ACTR3C: variants seen among roughly 807,000 people sequenced by gnomAD.
ACTR3C encodes actin-related protein 3C.
Under a neutral mutation model 26.3 loss-of-function variants are expected in ACTR3C, and 18 were observed. The ratio of observed to expected loss-of-function variants is 0.68; its 90% CI spans 0.47 to 1.01. The LOEUF (loss-of-function observed/expected upper bound fraction) is 1.01. Ranked by LOEUF, ACTR3C falls within the 50% of genes least tolerant of loss-of-function variation. The pLI is 0.00. For missense variants in ACTR3C, 184 were observed against 250.7 expected, an observed-to-expected ratio of 0.73 and a Z score of 1.80; for synonymous variants, 55 against 94.5, an observed-to-expected ratio of 0.58 and a Z score of 2.42.
chr7:150,173,677 C>A, the ACTR3C span, among the ~76,000 whole-genome samples: 1 of 123,116 alleles, frequency 8.1e-6, no homozygotes, highest in Non-Finnish European at 1.6e-5. Flanking sequence ...TCTTTTCTAT[C>A]ACGTTGTCGG....
At chr7:150,176,356 G>T in the ACTR3C span, among the ~76,000 whole-genome samples, 8 of 150,678 alleles carry the variant, frequency 5.3e-5, 2 homozygotes, top group African/African-American at 1.7e-4. Flanking sequence ...AGACACCTTT[G>T]TTATGAAAGC....
chr7:150,161,425 T>G, the ACTR3C span, among the ~76,000 whole-genome samples: 1 of 151,626 alleles, frequency 6.6e-6, no homozygotes, highest in East Asian at 1.9e-4. Context: ...CCAAGTGTTC[T>G]CATTGTTCAA....
chr7:149,901,999 A>G, the ACTR3C span, among the ~76,000 whole-genome samples: 1 of 150,652 alleles, frequency 6.6e-6, no homozygotes, highest in South Asian at 2.1e-4. Flanking sequence ...TGGGTATAGG[A>G]TTATAGGATG....
At chr7:149,925,131 A>G in the ACTR3C span, among the ~76,000 whole-genome samples, 2 of 151,496 alleles carry the variant, frequency 1.3e-5, no homozygotes, top group African/African-American at 4.8e-5. Context: ...ACCATTTATG[A>G]TAGCAAAAAA....
At chr7:150,280,053 G>A (rs1486045974) in intron 6 of ACTR3C, among the ~76,000 whole-genome samples, 3 of 152,204 alleles carry the variant, frequency 2.0e-5, no homozygotes, top group Non-Finnish European at 4.4e-5. Flanking sequence ...CTCAAGTAAA[G>A]CGTGCAAGTT....
the ACTR3C span, among the ~76,000 whole-genome samples, chr7:150,221,944 G>A: frequency 6.9e-6 from 1 of 144,270 alleles, no homozygotes; most frequent in Non-Finnish European, 1.5e-5. Flanking sequence ...CTTGCAGTGA[G>A]CCGAGATGGC....
chr7:150,075,750 T>G, the ACTR3C span, among the ~76,000 whole-genome samples: 1 of 152,180 alleles, frequency 6.6e-6, no homozygotes, highest in Non-Finnish European at 1.5e-5. Flanking sequence ...TATTTGACCC[T>G]GGCAAATTCC....
chr7:150,063,902 C>T, the ACTR3C span, among the ~76,000 whole-genome samples: 3 of 152,074 alleles, frequency 2.0e-5, no homozygotes, highest in African/African-American at 4.8e-5. Context: ...TCTTCCTATA[C>T]GCAGTTGTTT....
At chr7:150,126,031 G>T in the ACTR3C span, among the ~76,000 whole-genome samples, 1 of 152,162 alleles carries the variant, frequency 6.6e-6, no homozygotes, top group South Asian at 2.1e-4. Context: ...TGACTGCCTT[G>T]CACCAGAGTC....
chr7:150,006,443 C>T, the ACTR3C span, among the ~76,000 whole-genome samples: 9 of 148,394 alleles, frequency 6.1e-5, no homozygotes, highest in East Asian at 5.9e-4. Context: ...GTGATCCGCC[C>T]GCCTCGGCCT....
At chr7:149,945,242 G>A in the ACTR3C span, among the ~76,000 whole-genome samples, 1 of 151,818 alleles carries the variant, frequency 6.6e-6, no homozygotes, top group Admixed American at 6.6e-5. Context: ...GGAAGTGAAA[G>A]CATGCAATGC....
chr7:149,989,160 T>A, the ACTR3C span, among the ~76,000 whole-genome samples: 1 of 152,204 alleles, frequency 6.6e-6, no homozygotes, highest in South Asian at 2.1e-4. Context: ...TTAAAAAAAA[T>A]GTTTAAAACT....
the ACTR3C span, among the ~76,000 whole-genome samples, chr7:150,155,141 T>C: frequency 3.1e-4 from 47 of 152,200 alleles, no homozygotes; most frequent in Non-Finnish European, 6.2e-4. Flanking sequence ...GAGGAAAAGA[T>C]GAAAGAGGAG....
chr7:150,224,889 T>G, the ACTR3C span, among the ~76,000 whole-genome samples: 6 of 152,158 alleles, frequency 3.9e-5, no homozygotes, highest in Admixed American at 2.0e-4. Flanking sequence ...AATATTTGTA[T>G]GATATTTTGG....
chr7:150,122,017 T>G, the ACTR3C span, among the ~76,000 whole-genome samples: 2 of 152,018 alleles, frequency 1.3e-5, no homozygotes, highest in African/African-American at 2.4e-5. Context: ...GGGAAAACTG[T>G]CTAGCCATAT....
the ACTR3C span, among the ~76,000 whole-genome samples, chr7:150,085,899 G>A: frequency 2.6e-5 from 4 of 152,104 alleles, no homozygotes; most frequent in Admixed American, 2.6e-4. Context: ...GAACATGGAG[G>A]GGTATCAAGT....
chr7:150,085,344 G>A, the ACTR3C span, among the ~76,000 whole-genome samples: 1 of 152,170 alleles, frequency 6.6e-6, no homozygotes, highest in African/African-American at 2.4e-5. Flanking sequence ...AGACTTCAAT[G>A]CTGAGAGGTC....
chr7:150,035,918 G>T, the ACTR3C span, among the ~76,000 whole-genome samples: 875 of 134,914 alleles, frequency 6.5e-3, 73 homozygotes, highest in Non-Finnish European at 8.6e-3. Flanking sequence ...CTCGCGGGGG[G>T]TGCCTCGCCC....
the ACTR3C span, among the ~76,000 whole-genome samples, chr7:150,032,777 T>G: frequency 6.6e-6 from 1 of 152,078 alleles, no homozygotes; most frequent in Non-Finnish European, 1.5e-5. Flanking sequence ...AGGTAGTGGT[T>G]TGCTATACAA....
Sources: allele counts gnomAD v4.1 joint callset (sites outside exome capture counted in the v4.1 genomes callset), GRCh38; gene constraint gnomAD v4.1.1; transcripts MANE v1.5; gene names NCBI Gene and HGNC (gene_info 2026-07-23, HGNC 2026-07-21).